The following MYO10 variants were observed in gnomAD, a reference collection of about 807,000 sequenced individuals.
MYO10 encodes myosin X.
MYO10 carries 133 observed loss-of-function variants against 257.3 expected under a neutral mutation model. The ratio of observed to expected loss-of-function variants is 0.52; its 90% CI spans 0.45 to 0.60. The LOEUF (loss-of-function observed/expected upper bound fraction) is 0.60, where lower values mean the gene tolerates loss of function less well. Ranked by LOEUF, MYO10 falls within the 20% of genes least tolerant of loss-of-function variation. The pLI, the probability that MYO10 is intolerant of heterozygous loss-of-function variation, is 0.00. For missense variants in MYO10, 2,399 were observed against 2,635.7 expected, an observed-to-expected ratio of 0.91 and a Z score of 1.97; for synonymous variants, 1,104 against 1,028.6, an observed-to-expected ratio of 1.07 and a Z score of -1.40.
intron 2 of MYO10, among the ~76,000 whole-genome samples, chr5:16,830,848 T>G (rs1360643527): frequency 2.0e-5 from 3 of 152,206 alleles, no homozygotes; most frequent in Non-Finnish European, 4.4e-5. Flanking sequence ...CATAGAATAT[T>G]CTTGAAATGA....
At chr5:16,674,232 C>G (rs1246198905) in intron 35 of MYO10, among the ~76,000 whole-genome samples, 1 of 152,158 alleles carries the variant, frequency 6.6e-6, no homozygotes, top group Non-Finnish European at 1.5e-5. Context: ...CTTTGGGAGG[C>G]CGAGGCGGGT....
At chr5:16,796,299 GAAGGAAAGAAAGGGAAAGAGAGGAAGA>G (rs200329948) in intron 3 of MYO10, among the ~76,000 whole-genome samples, 64,454 of 131,260 alleles carry the variant, frequency 0.49, 16,632 homozygotes, top group South Asian at 0.62. Context: ...AGAAAAGAAA[GAAGGAAAGAAAGGGAAAGAGAGGAAGA>G]AAGGAAAGAA....
chr5:16,794,981 C>A, intron 3 of MYO10, 148 bp from the exon 4 acceptor site: 1 of 549,428 alleles, frequency 1.8e-6, no homozygotes, highest in Non-Finnish European at 3.0e-6. Flanking sequence ...GGTACCAAAT[C>A]TTGATATTCT....
intron 32 of MYO10, 99 bp downstream of exon 32, chr5:16,681,209 GA>G: frequency 7.9e-7 from 1 of 1,268,760 alleles, no homozygotes; most frequent in African/African-American, 1.5e-5. Flanking sequence ...TCTTTGGGGG[GA>G]AATAAAGTAC....
At position 16,670,973 on chromosome 5, in the gene MYO10, G is replaced by A. The variant is rs777584439; in HGVS notation, c.5436C>T (p.His1812=). ...GATGGTGGCCATGGATAACCGCTTC[G>A]TGGGCCTGAAAGGAGACAGTCAACA... ...VEFAFMFEQA[H]EAVIHGHHPA... is the part of the protein sequence containing the mutation. The change falls in exon 39 of 41, where the codon CAC becomes CAT. Residue 1812 remains histidine, a synonymous_variant. Transcript: ENST00000513610. The A allele has an allele frequency of 6.5e-5, 104 of 1,607,438 alleles. No individual in the cohort carries two copies. The highest frequency in any genetic ancestry group is 7.9e-5 in the Non-Finnish European group (93 of 1,175,184).
chr5:16,859,739 T>C (rs1744057440), intron 2 of MYO10, among the ~76,000 whole-genome samples: 1 of 152,100 alleles, frequency 6.6e-6, no homozygotes, highest in African/African-American at 2.4e-5. Context: ...AGGGTGACAC[T>C]AACTCAAAAT....
At chr5:16,793,672 G>A (rs1426339847) in intron 4 of MYO10, among the ~76,000 whole-genome samples, 2 of 152,184 alleles carry the variant, frequency 1.3e-5, no homozygotes, top group Non-Finnish European at 2.9e-5. Context: ...GCTCACGCCT[G>A]TAATCCCAGC....
intron 3 of MYO10, chr5:16,815,278 AT>A (rs1742569920): frequency 1.2e-5 from 6 of 521,674 alleles, no homozygotes; most frequent in Non-Finnish European, 1.7e-5. Context: ...GGATTTCAAT[AT>A]TTTTTGGATT....
intron 19 of MYO10, among the ~76,000 whole-genome samples, chr5:16,720,660 G>A (rs148322049): frequency 0.015 from 2,282 of 152,124 alleles, 61 homozygotes; most frequent in African/African-American, 0.052. Context: ...GGATTTCACC[G>A]TGTTAGCCAG....
intron 9 of MYO10, among the ~76,000 whole-genome samples, chr5:16,771,400 T>A (rs1161970207): frequency 6.6e-6 from 1 of 151,730 alleles, no homozygotes; most frequent in African/African-American, 2.4e-5. Flanking sequence ...CCTAGGTATA[T>A]AATATGTATA....
rs1231941432 is a variant in MYO10 at position 16,689,913 on chromosome 5, G to C, written c.3807C>G (p.Ile1269Met). 1 of 1,612,144 alleles carries C rather than the reference G, an allele frequency of 6.2e-7. No homozygotes were observed. The highest frequency in any genetic ancestry group is 1.3e-5 in the African/African-American group (1 of 74,904). ...GTVEVRTAKEIIDNTTKENGI... is the reference protein window; with the variant it reads ...GTVEVRTAKEMIDNTTKENGI... The stretch of plus-strand genomic sequence containing the variant: ...CATTCTCCTTGGTGGTGTTATCTAT[G>C]ATCTCTCTGCAAAGAAGCAAAAGCA... The change falls in exon 28 of 41, where the codon ATC becomes ATG. Residue 1269 changes from isoleucine (I) to methionine (M), a missense_variant. By Grantham distance (10) the Ile-to-Met change is conservative. Transcript: ENST00000513610.
chr5:16,923,709 G>C (rs562670705), intron 1 of MYO10, among the ~76,000 whole-genome samples: 20 of 146,400 alleles, frequency 1.4e-4, no homozygotes, highest in Non-Finnish European at 3.0e-4. Context: ...CTAACATCCT[G>C]GCCACCTAAC....
At chr5:16,865,129 T>C (rs1266527493) in intron 2 of MYO10, among the ~76,000 whole-genome samples, 1 of 151,942 alleles carries the variant, frequency 6.6e-6, no homozygotes, top group Non-Finnish European at 1.5e-5. Context: ...ATTCCAAGAA[T>C]AACAGATGGA....
chr5:16,822,329 A>C (rs562099582), intron 2 of MYO10, among the ~76,000 whole-genome samples: 1 of 152,282 alleles, frequency 6.6e-6, no homozygotes, highest in South Asian at 2.1e-4. Flanking sequence ...TTAGAAAATC[A>C]CTCATTCAAG....
At chr5:16,703,203 G>C (rs1046081522) in intron 22 of MYO10, 45 bp from the exon 23 acceptor site, 20 of 1,440,852 alleles carry the variant, frequency 1.4e-5, no homozygotes, top group Non-Finnish European at 1.9e-5. Context: ...AAGTAATGAG[G>C]CTTTGAGCTA....
At chr5:16,781,949 G>A in intron 5 of MYO10, 120 bp from the exon 6 acceptor site, 1 of 1,229,972 alleles carries the variant, frequency 8.1e-7, no homozygotes, top group Non-Finnish European at 1.1e-6. Flanking sequence ...CAAAAGGACT[G>A]AGGGTGGCAA....
At chr5:16,815,173 A>C (rs1580021231) in intron 3 of MYO10, 2 of 372,100 alleles carry the variant, frequency 5.4e-6, no homozygotes, top group East Asian at 4.8e-5. Context: ...AAAAAAAAAC[A>C]AACTTGTGTT....
intron 1 of MYO10, among the ~76,000 whole-genome samples, chr5:16,908,544 T>A (rs1034948788): frequency 6.6e-6 from 1 of 152,038 alleles, no homozygotes; most frequent in African/African-American, 2.4e-5. Flanking sequence ...ATAAAATAAA[T>A]TTGTTAGGTA....
At chr5:16,827,001 G>A (rs565763491) in intron 2 of MYO10, among the ~76,000 whole-genome samples, 46 of 152,250 alleles carry the variant, frequency 3.0e-4, no homozygotes, top group African/African-American at 1.1e-3. Flanking sequence ...CTTTTATGGC[G>A]TTCCTTTGCA....
Sources: allele counts gnomAD v4.1 joint callset (sites outside exome capture counted in the v4.1 genomes callset), GRCh38; gene constraint gnomAD v4.1.1; transcripts MANE v1.5; gene names NCBI Gene and HGNC (gene_info 2026-07-23, HGNC 2026-07-21).